The following SORBS2 variants were observed in gnomAD, a reference collection of about 807,000 sequenced individuals.
SORBS2 encodes sorbin and SH3 domain-containing protein 2.
SORBS2 carries 46 observed loss-of-function variants against 97.7 expected under a neutral mutation model. That is an observed-to-expected ratio of 0.47 (90% confidence interval 0.37 to 0.60). SORBS2 has a LOEUF of 0.60. SORBS2 is among the 20% of genes least tolerant of loss of function. SORBS2 has a pLI of 0.00. For missense variants in SORBS2, 1,316 were observed against 1,282.3 expected (o/e 1.03, Z -0.40); for synonymous variants, 476 against 473.4 (o/e 1.01, Z -0.07).
chr4:185,817,328 A>G (rs2153669587), intron 1 of SORBS2, among the ~76,000 whole-genome samples: 1 of 152,298 alleles, frequency 6.6e-6, no homozygotes, highest in East Asian at 1.9e-4. Context: ...GCTTTTATTA[A>G]ACCTGCAGTG....
At position 185,606,461 on chromosome 4, in the gene SORBS2, T is replaced by C. The variant is rs2096421631; in HGVS notation, c.2796+5319A>G. The C allele has an allele frequency of 9.2e-6, 9 of 977,744 alleles. No individual in the cohort carries two copies. The South Asian group carries it at 3.8e-4, about 41-fold the overall frequency. The allele number at this position is 977,744 out of a possible 1,614,324, so 60.6% of individuals were successfully genotyped here. On this transcript the variant is annotated intron_variant, in intron 12 of 14. Coordinates refer to ENST00000418609, the Ensembl canonical transcript of SORBS2. This position sits in a 1 kb window ranked among gnomAD's most constrained non-coding sequence, Gnocchi z 4.3. ...CCCACTCCACCCCCATCTTATATAG[T>C]ATTTGTGTTTTTTGTTTAAAAAAAT...
At chr4:185,626,979 T>C in exon 6 of SORBS2, 1 of 1,614,174 alleles carries the variant, frequency 6.2e-7, no homozygotes, top group Non-Finnish European at 8.5e-7. Context: ...GCAGGCTCGC[T>C]CTTCCTCCGC....
At chr4:185,821,171 A>G (rs1427162852) in intron 1 of SORBS2, among the ~76,000 whole-genome samples, 1 of 152,204 alleles carries the variant, frequency 6.6e-6, no homozygotes, top group African/African-American at 2.4e-5. Context: ...GCGCCTCACC[A>G]AGGGGCCACA....
At chr4:185,809,067 A>G (rs1385235841) in intron 1 of SORBS2, among the ~76,000 whole-genome samples, 1 of 152,154 alleles carries the variant, frequency 6.6e-6, no homozygotes, top group Non-Finnish European at 1.5e-5. Context: ...AGAAAAATGA[A>G]AGCCTCATTG....
At chr4:185,934,379 C>T (rs1347197490) in intron 1 of SORBS2, among the ~76,000 whole-genome samples, 1 of 152,154 alleles carries the variant, frequency 6.6e-6, no homozygotes, top group African/African-American at 2.4e-5. Flanking sequence ...ATGAAGACAC[C>T]CTTCTAGAAT....
At chr4:185,825,836 C>G (rs1477608961) in intron 1 of SORBS2, among the ~76,000 whole-genome samples, 1 of 151,962 alleles carries the variant, frequency 6.6e-6, no homozygotes, top group African/African-American at 2.4e-5. Context: ...TACATTGGGC[C>G]TAAGTCCACT....
intron 7 of SORBS2, among the ~76,000 whole-genome samples, chr4:185,622,689 T>C (rs1339100345): frequency 6.6e-6 from 1 of 152,232 alleles, no homozygotes; most frequent in Non-Finnish European, 1.5e-5. Context: ...AGTAAATTTT[T>C]GTGAATTGAT....
At chr4:185,687,664 T>G (rs901785392) in intron 2 of SORBS2, among the ~76,000 whole-genome samples, 1 of 152,132 alleles carries the variant, frequency 6.6e-6, no homozygotes, top group Admixed American at 6.6e-5. Flanking sequence ...AACAAGAAAG[T>G]TTGGGAATCC....
chr4:185,771,112 C>T (rs2098968239), intron 2 of SORBS2: 1 of 150,626 alleles, frequency 6.6e-6, no homozygotes, highest in Non-Finnish European at 1.5e-5. Flanking sequence ...TCCCAAGTAG[C>T]TGGGATTATA....
At chr4:185,590,099 G>A (rs574000682) in intron 13 of SORBS2, among the ~76,000 whole-genome samples, 2 of 152,094 alleles carry the variant, frequency 1.3e-5, no homozygotes, top group African/African-American at 2.4e-5. Context: ...AGTCAGACCC[G>A]CATTTCAGTT....
chr4:185,769,753 G>A (rs538311183), intron 2 of SORBS2, among the ~76,000 whole-genome samples: 1 of 152,210 alleles, frequency 6.6e-6, no homozygotes, highest in African/African-American at 2.4e-5. Context: ...GCCTCCGAAA[G>A]TGCTGGGATT....
intron 13 of SORBS2, among the ~76,000 whole-genome samples, chr4:185,592,388 A>T (rs1398380988): frequency 6.6e-6 from 1 of 152,220 alleles, no homozygotes; most frequent in Non-Finnish European, 1.5e-5. Context: ...TCATTCATAA[A>T]CACTTTGAAA....
intron 1 of SORBS2, chr4:185,811,000 G>A (rs559491860): frequency 6.6e-6 from 1 of 152,126 alleles, no homozygotes; most frequent in South Asian, 2.1e-4. Context: ...ATTCTGAGCC[G>A]GGGGAGCACA....
At chr4:185,590,759 A>G (rs1478574613) in intron 13 of SORBS2, among the ~76,000 whole-genome samples, 3 of 152,206 alleles carry the variant, frequency 2.0e-5, no homozygotes, top group South Asian at 2.1e-4. Flanking sequence ...GTGTTTTTGG[A>G]AAATGAAGGC....
intron 1 of SORBS2, among the ~76,000 whole-genome samples, chr4:185,869,238 T>A (rs1258635398): frequency 1.3e-5 from 2 of 152,174 alleles, no homozygotes; most frequent in Non-Finnish European, 2.9e-5. Context: ...ATTGTGACAC[T>A]TTTTCTTAAT....
intron 2 of SORBS2, among the ~76,000 whole-genome samples, chr4:185,698,559 C>T (rs559391565): frequency 6.6e-6 from 1 of 152,220 alleles, no homozygotes; most frequent in Admixed American, 6.5e-5. Flanking sequence ...AAGCTCTTTC[C>T]CTTTAAAATA....
chr4:185,933,468 G>T (rs968419176), intron 1 of SORBS2: 4 of 152,046 alleles, frequency 2.6e-5, no homozygotes, highest in Non-Finnish European at 5.9e-5. Flanking sequence ...AGTTCTGAAG[G>T]CTGGAAGCCT....
chr4:185,659,047 G>A (rs2097462242), upstream of SORBS2, among the ~76,000 whole-genome samples: 1 of 151,726 alleles, frequency 6.6e-6, no homozygotes, highest in South Asian at 2.1e-4. Context: ...TCAATATAAG[G>A]GTAATTAAAA....
intron 12 of SORBS2, among the ~76,000 whole-genome samples, chr4:185,605,131 C>T (rs2096376618): frequency 6.6e-6 from 1 of 152,168 alleles, no homozygotes; most frequent in Non-Finnish European, 1.5e-5. Context: ...CAAATGCAGG[C>T]CTGGCCGGGT....
Sources: allele counts gnomAD v4.1 joint callset (sites outside exome capture counted in the v4.1 genomes callset), GRCh38; gene constraint gnomAD v4.1.1; non-coding constraint Gnocchi (gnomAD v3.1); transcripts MANE v1.5; gene names NCBI Gene and HGNC (gene_info 2026-07-23, HGNC 2026-07-21).